AGMO: variants seen among roughly 807,000 people sequenced by gnomAD.
AGMO encodes alkylglycerol monooxygenase.
Under a neutral mutation model 60.2 loss-of-function variants are expected in AGMO, and 75 were observed. The observed-to-expected ratio is 1.25, with a 90% confidence interval of 1.03 to 1.51. AGMO has a LOEUF of 1.51. AGMO is among the 40% of genes most tolerant of loss of function. AGMO has a pLI of 0.00. For synonymous variants in AGMO, 261 were observed against 177.1 expected (o/e 1.47, Z -3.76); for missense variants, 763 against 525.5 (o/e 1.45, Z -4.42).
At chr7:15,118,167 A>ACAC in the AGMO span, among the ~76,000 whole-genome samples, 28 of 58,586 alleles carry the variant, frequency 4.8e-4, no homozygotes, top group Non-Finnish European at 9.4e-4. Context: ...AAAACCACTA[A>ACAC]AGAGAAACAC....
chr7:15,398,570 C>T (rs1378600480), intron 5 of AGMO, among the ~76,000 whole-genome samples: 1 of 152,144 alleles, frequency 6.6e-6, no homozygotes, highest in Non-Finnish European at 1.5e-5. Context: ...AAGGGTTGAG[C>T]ATAACGGCTT....
chr7:15,160,099 G>C, the AGMO span, among the ~76,000 whole-genome samples: 3 of 152,156 alleles, frequency 2.0e-5, no homozygotes, highest in African/African-American at 4.8e-5. Flanking sequence ...AAACATACAG[G>C]TAATCTCATG....
intron 3 of AGMO, among the ~76,000 whole-genome samples, chr7:15,441,204 A>G (rs945814671): frequency 2.0e-5 from 3 of 152,248 alleles, no homozygotes; most frequent in Non-Finnish European, 4.4e-5. Context: ...TACACTTCTC[A>G]AACATAAGGA....
At chr7:15,559,311 C>T (rs1785238596) in intron 2 of AGMO, among the ~76,000 whole-genome samples, 1 of 152,086 alleles carries the variant, frequency 6.6e-6, no homozygotes, top group Admixed American at 6.6e-5. Context: ...GAGAGAAAAA[C>T]AGGTAAGCAT....
downstream of AGMO, among the ~76,000 whole-genome samples, chr7:15,196,135 C>T (rs140747418): frequency 7.8e-4 from 118 of 150,810 alleles, no homozygotes; most frequent in African/African-American, 2.7e-3. Context: ...CTCTGCCTCC[C>T]GGGTTCGAGC....
At chr7:15,125,365 G>C in the AGMO span, among the ~76,000 whole-genome samples, 1 of 152,090 alleles carries the variant, frequency 6.6e-6, no homozygotes, top group South Asian at 2.1e-4. Context: ...TTTGTGGCTA[G>C]AAGTGCAGTG....
chr7:15,191,198 T>G, the AGMO span, among the ~76,000 whole-genome samples: 1 of 151,916 alleles, frequency 6.6e-6, no homozygotes, highest in Admixed American at 6.6e-5. Context: ...CTTTATAGAG[T>G]GGGAAAGAAA....
chr7:15,461,664 C>T (rs1477815606), intron 3 of AGMO, among the ~76,000 whole-genome samples: 2 of 152,022 alleles, frequency 1.3e-5, no homozygotes, highest in Admixed American at 6.6e-5. Context: ...ATTTGTTGAT[C>T]AGACCTCTGG....
chr7:15,498,194 T>A (rs1783284839), intron 3 of AGMO, among the ~76,000 whole-genome samples: 2 of 152,022 alleles, frequency 1.3e-5, no homozygotes, highest in Admixed American at 1.3e-4. Flanking sequence ...AGCCAATTTT[T>A]CAAAAGAAAT....
At chr7:15,522,677 C>G (rs186601269) in intron 3 of AGMO, among the ~76,000 whole-genome samples, 5 of 152,092 alleles carry the variant, frequency 3.3e-5, no homozygotes, top group Non-Finnish European at 7.3e-5. Flanking sequence ...CTTCCTTACA[C>G]CTTATACAAA....
At chr7:15,230,211 G>C (rs1382687012) in intron 12 of AGMO, among the ~76,000 whole-genome samples, 1 of 152,106 alleles carries the variant, frequency 6.6e-6, no homozygotes, top group Non-Finnish European at 1.5e-5. Flanking sequence ...GGATACAGAA[G>C]TTTTGAAAAT....
intron 3 of AGMO, among the ~76,000 whole-genome samples, chr7:15,481,128 T>C (rs2128517247): frequency 6.6e-6 from 1 of 152,254 alleles, no homozygotes; most frequent in East Asian, 1.9e-4. Context: ...TACTTGTAGA[T>C]TTTAACTTTT....
chr7:15,426,155 C>G (rs12538315), intron 4 of AGMO, among the ~76,000 whole-genome samples: 81,076 of 151,954 alleles, frequency 0.53, 21,814 homozygotes, highest in Middle Eastern at 0.67. Context: ...TTCACACATT[C>G]TACCTTTTAT....
intron 12 of AGMO, among the ~76,000 whole-genome samples, chr7:15,228,926 T>C (rs1269225964): frequency 6.6e-6 from 1 of 152,094 alleles, no homozygotes; most frequent in Non-Finnish European, 1.5e-5. Flanking sequence ...ATTACTGAGT[T>C]CGACTGCCAG....
At chr7:15,217,417 TGAGA>T (rs1174164365) in intron 12 of AGMO, among the ~76,000 whole-genome samples, 2 of 151,912 alleles carry the variant, frequency 1.3e-5, no homozygotes, top group Admixed American at 6.6e-5. Flanking sequence ...AAAGACATCT[TGAGA>T]GAGACTTTAA....
At chr7:15,215,447 G>A (rs192079753) in intron 12 of AGMO, among the ~76,000 whole-genome samples, 4 of 151,798 alleles carry the variant, frequency 2.6e-5, no homozygotes, top group East Asian at 1.9e-4. Flanking sequence ...GTTGTACACC[G>A]GAATTCTCCC....
intron 12 of AGMO, among the ~76,000 whole-genome samples, chr7:15,234,396 C>T (rs963246440): frequency 6.6e-6 from 1 of 152,176 alleles, no homozygotes; most frequent in African/African-American, 2.4e-5. Context: ...AATATCTTGA[C>T]TCCTTTATCT....
chr7:15,448,679 A>G (rs961080926), intron 3 of AGMO, among the ~76,000 whole-genome samples: 1 of 150,588 alleles, frequency 6.6e-6, no homozygotes, highest in East Asian at 2.0e-4. Flanking sequence ...ATTCTGCCAT[A>G]ATTTTAAATT....
At chr7:15,468,894 CTT>C (rs1782365340) in intron 3 of AGMO, among the ~76,000 whole-genome samples, 1 of 151,912 alleles carries the variant, frequency 6.6e-6, no homozygotes, top group South Asian at 2.1e-4. Context: ...AAATGCTGCT[CTT>C]GTTGGTTTTT....
Sources: gnomAD v4.1 joint callset for allele counts (sites outside exome capture counted in the v4.1 genomes callset) on GRCh38, gnomAD v4.1.1 for gene constraint, MANE v1.5 for transcripts, NCBI Gene and HGNC (gene_info 2026-07-23, HGNC 2026-07-21) for gene names.